CD1B: variants seen among roughly 807,000 people sequenced by gnomAD.
The protein encoded by CD1B is CD1b molecule.
In CD1B, 43 loss-of-function variants were observed where a neutral mutation model predicts 39.8. That is an observed-to-expected ratio of 1.08 (90% CI 0.85 to 1.39). The LOEUF is 1.39. CD1B is among the 40% of genes most tolerant of loss of function. The pLI is 0.00. For synonymous variants in CD1B, 192 were observed against 152.5 expected, an observed-to-expected ratio of 1.26 and a Z score of -1.91; for missense variants, 495 against 403.8, an observed-to-expected ratio of 1.23 and a Z score of -1.94.
the CD1B span, among the ~76,000 whole-genome samples, chr1:158,309,090 A>G: frequency 6.6e-6 from 1 of 152,208 alleles, no homozygotes; most frequent in African/African-American, 2.4e-5. Flanking sequence ...CATCTGACAA[A>G]GGGCTAATAT....
At chr1:158,287,266 GC>G in the CD1B span, among the ~76,000 whole-genome samples, 1 of 151,910 alleles carries the variant, frequency 6.6e-6, no homozygotes, top group Admixed American at 6.6e-5. Context: ...AGCTCATATG[GC>G]CTTTCCATGG....
the CD1B span, among the ~76,000 whole-genome samples, chr1:158,288,904 T>G: frequency 6.6e-6 from 1 of 152,336 alleles, no homozygotes; most frequent in Non-Finnish European, 1.5e-5. Flanking sequence ...TGCTGCCCTT[T>G]TTATACAATG....
At chr1:158,290,015 C>T in the CD1B span, 1 of 1,557,962 alleles carries the variant, frequency 6.4e-7, no homozygotes, top group Non-Finnish European at 8.9e-7. Context: ...TTGCTAAGAA[C>T]AGAGATCAGC....
At chr1:158,303,741 A>G in the CD1B span, among the ~76,000 whole-genome samples, 1 of 152,208 alleles carries the variant, frequency 6.6e-6, no homozygotes, top group African/African-American at 2.4e-5. Flanking sequence ...CTACAACAAG[A>G]ATTATAAAGC....
chr1:158,315,833 T>A, the CD1B span, among the ~76,000 whole-genome samples: 1 of 152,088 alleles, frequency 6.6e-6, no homozygotes, highest in Non-Finnish European at 1.5e-5. Flanking sequence ...TTAATTTTTG[T>A]ATGAGGTGTA....
chr1:158,304,210 A>T, the CD1B span, among the ~76,000 whole-genome samples: 5 of 152,210 alleles, frequency 3.3e-5, no homozygotes, highest in Non-Finnish European at 1.5e-5. Flanking sequence ...GGGGTGACAG[A>T]TAGCACCAGG....
At chr1:158,309,310 A>G in the CD1B span, among the ~76,000 whole-genome samples, 4 of 152,324 alleles carry the variant, frequency 2.6e-5, no homozygotes, top group East Asian at 3.9e-4. Context: ...TAGAATGGCG[A>G]TCATTAAAAG....
the CD1B span, among the ~76,000 whole-genome samples, chr1:158,287,283 G>GCACACACA: frequency 4.0e-5 from 6 of 149,080 alleles, no homozygotes; most frequent in African/African-American, 1.5e-4. Flanking sequence ...CATGGTGGGT[G>GCACACACA]CACACACACA....
the CD1B span, among the ~76,000 whole-genome samples, chr1:158,308,738 C>A: frequency 2.0e-5 from 3 of 152,142 alleles, no homozygotes; most frequent in African/African-American, 4.8e-5. Flanking sequence ...GGAAAGGATT[C>A]CCTATTTAAT....
chr1:158,321,622 T>C, the CD1B span, among the ~76,000 whole-genome samples: 1 of 152,258 alleles, frequency 6.6e-6, no homozygotes, highest in Non-Finnish European at 1.5e-5. Flanking sequence ...TGTGGTTAAG[T>C]GATATTCTCC....
At chr1:158,312,206 G>A in the CD1B span, among the ~76,000 whole-genome samples, 3 of 152,252 alleles carry the variant, frequency 2.0e-5, no homozygotes, top group East Asian at 1.9e-4. Context: ...TATGTTGTGG[G>A]AGGGACCTAG....
At chr1:158,323,389 T>C (rs1652252727), downstream of CD1B, among the ~76,000 whole-genome samples, 2 of 152,138 alleles carry the variant, frequency 1.3e-5, no homozygotes, top group Admixed American at 6.5e-5. Context: ...ATTTCTGAAC[T>C]GCTTTTCTCT....
intron 4 of CD1B, 85 bp downstream of exon 4, chr1:158,329,285 C>T: frequency 2.0e-6 from 3 of 1,491,506 alleles, no homozygotes; most frequent in South Asian, 2.5e-5. Context: ...TTTCATCTCT[C>T]AAGCTCTATC....
the CD1B span, among the ~76,000 whole-genome samples, chr1:158,306,747 A>T: frequency 1.2e-4 from 19 of 152,258 alleles, no homozygotes; most frequent in African/African-American, 4.6e-4. Flanking sequence ...ACCACAGTGC[A>T]ATGAAACTAG....
At chr1:158,319,696 T>C in the CD1B span, among the ~76,000 whole-genome samples, 1 of 152,236 alleles carries the variant, frequency 6.6e-6, no homozygotes, top group African/African-American at 2.4e-5. Flanking sequence ...CTTTGTTCCA[T>C]TGCTGGTGAG....
the CD1B span, among the ~76,000 whole-genome samples, chr1:158,319,735 C>T: frequency 3.9e-5 from 6 of 152,326 alleles, no homozygotes; most frequent in Non-Finnish European, 7.3e-5. Flanking sequence ...GGAGGAGAGG[C>T]GCTCTGCTTT....
At chr1:158,318,121 G>GA in the CD1B span, among the ~76,000 whole-genome samples, 58 of 152,240 alleles carry the variant, frequency 3.8e-4, 1 homozygote, top group African/African-American at 1.2e-3. Flanking sequence ...GTGTGGTGCT[G>GA]AAAAAAATGT....
At position 158,330,627 on chromosome 1, in the gene CD1B, T is replaced by C. The variant is rs779529039; in HGVS notation, c.328+169A>G. ...GCAGAGGCAGCAAGAATCTGAAATA[T>C]GAGGTGTGATGGTGTGAAGCTGGAG... On this transcript the variant is annotated intron_variant, in intron 2 of 5. Transcript: ENST00000368168. 19 of 762,742 alleles carry C rather than the reference T, an allele frequency of 2.5e-5. 1 individual carries two copies. Among genetic ancestry groups the C allele is most frequent in the East Asian group, 1.0e-4 (4 of 39,610 alleles). 47.2% of individuals were successfully genotyped at this position (762,742 alleles called of 1,614,324 possible). A position where few individuals can be genotyped will look rare whatever the true frequency, so the allele number is the denominator to read the frequency against.
the CD1B span, among the ~76,000 whole-genome samples, chr1:158,318,276 C>T: frequency 1.3e-5 from 2 of 152,100 alleles, no homozygotes; most frequent in Non-Finnish European, 2.9e-5. Context: ...TAAAGTCTCC[C>T]ATTATTAATG....
Sources: allele counts gnomAD v4.1 joint callset (sites outside exome capture counted in the v4.1 genomes callset), GRCh38; gene constraint gnomAD v4.1.1; transcripts MANE v1.5; gene names NCBI Gene and HGNC (gene_info 2026-07-23, HGNC 2026-07-21).